PIK3C2G: variants seen among roughly 807,000 people sequenced by gnomAD.
PIK3C2G encodes phosphatidylinositol 3-kinase C2 domain-containing subunit gamma.
In PIK3C2G, 168 loss-of-function variants were observed where a neutral mutation model predicts 181.1. The observed-to-expected ratio is 0.93, with a 90% CI of 0.82 to 1.05. PIK3C2G has a LOEUF of 1.05. Among genes scored for constraint, PIK3C2G ranks in the 50% least tolerant of loss-of-function variants. The pLI is 0.00. For missense variants in PIK3C2G, 1,869 were observed against 1,732.8 expected (o/e 1.08, Z -1.40); for synonymous variants, 573 against 592.2 (o/e 0.97, Z 0.47).
intron 18 of PIK3C2G, among the ~76,000 whole-genome samples, chr12:18,455,823 A>G (rs1452773580): frequency 6.6e-6 from 1 of 152,154 alleles, no homozygotes; most frequent in Admixed American, 6.6e-5. Flanking sequence ...TCATCACATT[A>G]GTGGTTAGGA....
chr12:18,693,078 G>A, the PIK3C2G span: 1 of 1,500,850 alleles, frequency 6.7e-7, no homozygotes, highest in Non-Finnish European at 9.3e-7. Flanking sequence ...AAAAGTGGAT[G>A]ATCTGAGGGG....
At chr12:18,454,231 A>G (rs1026036283) in intron 18 of PIK3C2G, among the ~76,000 whole-genome samples, 1 of 152,206 alleles carries the variant, frequency 6.6e-6, no homozygotes, top group Admixed American at 6.6e-5. Context: ...GGAGGAAACA[A>G]ATAATAAGCA....
At chr12:18,583,230 A>G (rs1353607499) in intron 29 of PIK3C2G, among the ~76,000 whole-genome samples, 1 of 152,134 alleles carries the variant, frequency 6.6e-6, no homozygotes, top group African/African-American at 2.4e-5. Flanking sequence ...AGAGAAGGGC[A>G]AGCCACTATA....
intron 31 of PIK3C2G, among the ~76,000 whole-genome samples, chr12:18,639,921 A>G (rs1949770475): frequency 6.6e-6 from 1 of 151,974 alleles, no homozygotes; most frequent in Non-Finnish European, 1.5e-5. Flanking sequence ...TCTTGTAGGT[A>G]TATTAAAGTT....
At chr12:18,595,286 A>T (rs73068311) in intron 30 of PIK3C2G, among the ~76,000 whole-genome samples, 7,428 of 152,180 alleles carry the variant, frequency 0.049, 287 homozygotes, top group Middle Eastern at 0.12. Flanking sequence ...TATTTATTTT[A>T]AGCACTATTC....
chr12:18,699,888 T>C, the PIK3C2G span: 1 of 1,612,850 alleles, frequency 6.2e-7, no homozygotes, highest in Non-Finnish European at 8.5e-7. Flanking sequence ...AGCTTTTGAA[T>C]TTCTCAGCTT....
At chr12:18,388,528 G>A (rs558016818) in intron 14 of PIK3C2G, among the ~76,000 whole-genome samples, 13 of 152,292 alleles carry the variant, frequency 8.5e-5, no homozygotes, top group South Asian at 2.1e-4. Context: ...GTCTGCCTCA[G>A]TCTCCCAAAG....
chr12:18,460,438 G>T (rs563482159), intron 18 of PIK3C2G, among the ~76,000 whole-genome samples: 3 of 151,962 alleles, frequency 2.0e-5, no homozygotes, highest in Admixed American at 6.6e-5. Flanking sequence ...GCCAGGTGTG[G>T]TGGCACGCGC....
intron 31 of PIK3C2G, among the ~76,000 whole-genome samples, chr12:18,613,743 C>G (rs1473173071): frequency 6.6e-6 from 1 of 152,006 alleles, no homozygotes; most frequent in Non-Finnish European, 1.5e-5. Context: ...AGAAGCCTCT[C>G]TGGTGCAAAT....
intron 24 of PIK3C2G, among the ~76,000 whole-genome samples, chr12:18,537,235 T>C (rs1943908624): frequency 6.6e-6 from 1 of 152,108 alleles, no homozygotes; most frequent in Non-Finnish European, 1.5e-5. Flanking sequence ...TGTTTTATTA[T>C]TTAAAACAAA....
At chr12:18,478,290 G>A (rs547858457) in intron 18 of PIK3C2G, among the ~76,000 whole-genome samples, 43 of 152,222 alleles carry the variant, frequency 2.8e-4, no homozygotes, top group African/African-American at 1.0e-3. Context: ...CACATGTGCT[G>A]ATGTTAGAGA....
intron 24 of PIK3C2G, among the ~76,000 whole-genome samples, chr12:18,516,266 T>TTC (rs1565468065): frequency 2.0e-5 from 3 of 151,692 alleles, no homozygotes; most frequent in African/African-American, 7.3e-5. Context: ...TGATGGTTTT[T>TTC]TTTTTTTTTT....
chr12:18,448,775 A>G (rs567689939), intron 18 of PIK3C2G, among the ~76,000 whole-genome samples: 6 of 151,924 alleles, frequency 3.9e-5, no homozygotes, highest in Non-Finnish European at 7.4e-5. Flanking sequence ...TACAAATTGA[A>G]AACATCTTAT....
intron 9 of PIK3C2G, 146 bp downstream of exon 9, chr12:18,338,694 TGTGTGTG>T (rs1366714095): frequency 1.6e-6 from 1 of 615,342 alleles, no homozygotes; most frequent in Non-Finnish European, 2.9e-6. Flanking sequence ...TGTGTGTGTG[TGTGTGTG>T]TGTGTGTGCA....
In PIK3C2G at chr12:18,279,231, T is replaced by C. The variant is rs536422329; in HGVS notation, c.-78-2773T>C. ...AAACGTTAGATAAGTTAATACATTT[T>C]TTTGTTGCTCAGGTCTTTATTTGCT... is the stretch of plus-strand genomic sequence containing the variant. On this transcript the variant is annotated intron_variant, in intron 1 of 32. Coordinates refer to ENST00000538779, the MANE Select transcript of PIK3C2G (RefSeq NM_001288772.2). 4.7e-4 allele frequency among the ~76,000 whole-genome samples: 71 copies of C among 152,178 alleles called. No individual in the cohort carries two copies. In the South Asian group the frequency reaches 5.4e-3, roughly 12 times the overall value.
At chr12:18,568,557 A>C (rs984110331) in intron 29 of PIK3C2G, among the ~76,000 whole-genome samples, 5 of 152,194 alleles carry the variant, frequency 3.3e-5, no homozygotes, top group African/African-American at 1.2e-4. Context: ...CTGAGTCCCA[A>C]GACATTCTGC....
intron 18 of PIK3C2G, among the ~76,000 whole-genome samples, chr12:18,427,157 T>C (rs1945863655): frequency 6.6e-6 from 1 of 152,006 alleles, no homozygotes; most frequent in Admixed American, 6.5e-5. Context: ...ATAACAATTT[T>C]TATTTTAATA....
At chr12:18,276,946 G>A (rs1949010644) in intron 1 of PIK3C2G, among the ~76,000 whole-genome samples, 1 of 152,090 alleles carries the variant, frequency 6.6e-6, no homozygotes, top group African/African-American at 2.4e-5. Flanking sequence ...AAGATTATAG[G>A]TGAATAAGAA....
intron 4 of PIK3C2G, among the ~76,000 whole-genome samples, chr12:18,293,095 G>C (rs1015287856): frequency 2.0e-5 from 3 of 152,006 alleles, no homozygotes; most frequent in Non-Finnish European, 4.4e-5. Flanking sequence ...GTAAAATATA[G>C]CTATTATTAA....
Sources: allele counts gnomAD v4.1 joint callset (sites outside exome capture counted in the v4.1 genomes callset), GRCh38; gene constraint gnomAD v4.1.1; transcripts MANE v1.5; gene names NCBI Gene and HGNC (gene_info 2026-07-23, HGNC 2026-07-21).